Variants in IKBKB observed in about 807,000 individuals in gnomAD.
IKBKB encodes inhibitor of nuclear factor kappa-B kinase subunit beta.
Under a neutral mutation model 113.6 loss-of-function variants are expected in IKBKB, and 42 were observed. The ratio of observed to expected loss-of-function variants is 0.37; its 90% CI spans 0.29 to 0.48. The LOEUF (loss-of-function observed/expected upper bound fraction) is 0.48, where lower values mean the gene tolerates loss of function less well. IKBKB is among the 20% of genes least tolerant of loss of function. The pLI is 0.99. For missense variants in IKBKB, 673 were observed against 939.7 expected (o/e 0.72, Z 3.71); for synonymous variants, 296 against 361.3 (o/e 0.82, Z 2.05).
chr8:42,299,027 G>C (rs1453783676), intron 5 of IKBKB, among the ~76,000 whole-genome samples: 1 of 152,066 alleles, frequency 6.6e-6, no homozygotes, highest in African/African-American at 2.4e-5. Context: ...ATTGTTCCCA[G>C]AATCTGGAAT....
At chr8:42,304,079 AT>A (rs1232351461) in intron 5 of IKBKB, among the ~76,000 whole-genome samples, 1 of 151,574 alleles carries the variant, frequency 6.6e-6, no homozygotes, top group Admixed American at 6.6e-5. Flanking sequence ...TGTGAATGGG[AT>A]TTTTTTTCCT....
At chr8:42,291,801 G>A (rs892573682) in intron 4 of IKBKB, among the ~76,000 whole-genome samples, 3 of 152,200 alleles carry the variant, frequency 2.0e-5, no homozygotes, top group African/African-American at 7.2e-5. Flanking sequence ...ATGTGGTGGT[G>A]TGCGCTTGTG....
intron 20 of IKBKB, among the ~76,000 whole-genome samples, chr8:42,328,323 C>T (rs1563375210): frequency 6.6e-6 from 1 of 150,828 alleles, no homozygotes; most frequent in Non-Finnish European, 1.5e-5. Context: ...AGTAGCTAGA[C>T]CGGGAGCCTG....
intron 7 of IKBKB, among the ~76,000 whole-genome samples, chr8:42,307,862 C>T (rs1048890034): frequency 6.6e-6 from 1 of 152,210 alleles, no homozygotes; most frequent in Non-Finnish European, 1.5e-5. Context: ...GGTTTGGTCT[C>T]CCGGGCCCTT....
chr8:42,316,139 A>G lies in IKBKB; in HGVS notation c.801-71A>G. ...TCTACTGGCTGCCGTCTGTGTGTAT[A>G]CTGGGAGACGCACACTGTAGCCCAA... On this transcript the variant is annotated intron_variant, in intron 9 of 21. Transcript: ENST00000520810. The surrounding 1 kb of genome is among the most constrained non-coding windows in gnomAD (Gnocchi z 4.5). 1 of 1,552,974 alleles carries G rather than the reference A, an allele frequency of 6.4e-7. No homozygotes were observed. The highest frequency in any genetic ancestry group is 1.1e-5 in the South Asian group (1 of 87,284).
intron 1 of IKBKB, chr8:42,271,680 C>T: frequency 7.5e-6 from 4 of 529,892 alleles, no homozygotes; most frequent in Non-Finnish European, 1.3e-5. Context: ...TGAGGGGAAC[C>T]TGCGATTTAT....
At position 42,326,152 on chromosome 8, in the gene IKBKB, G is replaced by A. The variant is rs759059588; in HGVS notation, c.2114+55G>A. 569 of 1,601,176 alleles carry A rather than the reference G, an allele frequency of 3.6e-4. 2 individuals are homozygous for A. Among genetic ancestry groups the A allele is most frequent in the Non-Finnish European group, 4.7e-4 (555 of 1,171,654 alleles). ...ACCATCAAGGGCACGTCAGGAGATC[G>A]GGGATGGAGGCGTTTGTCACTGGTA... is the stretch of plus-strand genomic sequence containing the variant. On this transcript the variant is annotated intron_variant, in intron 20 of 21. Coordinates refer to ENST00000520810, the MANE Select transcript of IKBKB (RefSeq NM_001556.3).
chr8:42,325,261 G>A, intron 19 of IKBKB: 1 of 985,712 alleles, frequency 1.0e-6, no homozygotes, highest in Non-Finnish European at 1.2e-6. Flanking sequence ...CCCCTTGGGA[G>A]TCAGGGTGTC....
rs1819326107 is a variant in IKBKB, at chr8:42,319,336, G to A, written c.1431G>A (p.Gln477=). Residue 477 remains glutamine, a synonymous_variant, in exon 14 of 22, where the codon CAG becomes CAA. Coordinates refer to ENST00000520810, the MANE Select transcript of IKBKB (RefSeq NM_001556.3). Reference sequence around the variant, plus strand: ...AGAATTCCATGGCTTCCATGTCTCAGCAGCTCAAGGCCAAGTTGGATTTCT... The same window carrying A: ...AGAATTCCATGGCTTCCATGTCTCAACAGCTCAAGGCCAAGTTGGATTTCT... ...KMKNSMASMS[Q]QLKAKLDFFK... The A allele has an allele frequency of 6.2e-7, 1 of 1,614,132 alleles. No homozygotes were observed. Among genetic ancestry groups the A allele is most frequent in the Non-Finnish European group, 8.5e-7 (1 of 1,179,990 alleles).
chr8:42,273,942 G>A (rs1808364905), intron 2 of IKBKB, among the ~76,000 whole-genome samples: 1 of 152,124 alleles, frequency 6.6e-6, no homozygotes. Context: ...TGATCAAATC[G>A]GGGTAATTGG....
chr8:42,318,809 G>A (rs1819207561), intron 13 of IKBKB, 134 bp downstream of exon 13: 1 of 881,838 alleles, frequency 1.1e-6, no homozygotes, highest in East Asian at 2.7e-5. Flanking sequence ...TGGTTTGGAT[G>A]GACGGGAAGC....
In IKBKB at chr8:42,331,031, C is replaced by T. The variant is rs771243791; in HGVS notation, c.*52C>T. 9.3e-5 allele frequency: 148 copies of T among 1,597,234 alleles called. No homozygotes were observed. Among genetic ancestry groups the T allele is most frequent in the Non-Finnish European group, 1.2e-4 (141 of 1,169,910 alleles). ...GGGGCAGCCCATAGCAGGCCTTGTG[C>T]AGTGGGGGGACTCGACCCCCTGACA... On this transcript the variant is annotated 3_prime_UTR_variant, in exon 22 of 22. Transcript: ENST00000520810.
At chr8:42,279,211 G>T (rs1431659540) in intron 2 of IKBKB, among the ~76,000 whole-genome samples, 1 of 152,218 alleles carries the variant, frequency 6.6e-6, no homozygotes, top group Non-Finnish European at 1.5e-5. Flanking sequence ...GTGCTGAGGA[G>T]AAGTCTTTGA....
chr8:42,304,757 T>C (rs966339295), intron 5 of IKBKB, among the ~76,000 whole-genome samples: 1 of 152,188 alleles, frequency 6.6e-6, no homozygotes, highest in Admixed American at 6.5e-5. Flanking sequence ...TTTTTGAGCC[T>C]CTAGACCAAA....
At chr8:42,325,025 G>C (rs1212866441) in intron 19 of IKBKB, 1 of 154,244 alleles carries the variant, frequency 6.5e-6, no homozygotes, top group African/African-American at 2.4e-5. Flanking sequence ...ATGGTTCCAC[G>C]GCCTGAGGGA....
chr8:42,304,263 T>C (rs117296322), intron 5 of IKBKB, among the ~76,000 whole-genome samples: 2 of 152,360 alleles, frequency 1.3e-5, no homozygotes, highest in Non-Finnish European at 2.9e-5. Context: ...ATAAAAATAA[T>C]TTTATCTCAT....
chr8:42,271,652 C>T, intron 1 of IKBKB, 183 bp downstream of exon 1: 1 of 539,150 alleles, frequency 1.9e-6, no homozygotes, highest in Non-Finnish European at 3.2e-6. Context: ...GGGGTGGCTT[C>T]TTGGGGGTGG....
At chr8:42,275,136 CA>C (rs1563291385) in intron 2 of IKBKB, among the ~76,000 whole-genome samples, 1 of 151,562 alleles carries the variant, frequency 6.6e-6, no homozygotes, top group Non-Finnish European at 1.5e-5. Flanking sequence ...CTCGGCCTCC[CA>C]AAGTACTGGG....
chr8:42,325,134 G>A, intron 19 of IKBKB: 3 of 743,988 alleles, frequency 4.0e-6, no homozygotes, highest in Non-Finnish European at 4.9e-6. Context: ...GCAGAGATCA[G>A]CAGAGGGGTG....
Sources: allele counts gnomAD v4.1 joint callset (sites outside exome capture counted in the v4.1 genomes callset), GRCh38; gene constraint gnomAD v4.1.1; non-coding constraint Gnocchi (gnomAD v3.1); transcripts MANE v1.5; gene names NCBI Gene and HGNC (gene_info 2026-07-23, HGNC 2026-07-21).